The following ASB18 variants were observed in gnomAD, a reference collection of about 807,000 sequenced individuals.
ASB18 encodes the protein ankyrin repeat and SOCS box protein 18.
In ASB18, 33 loss-of-function variants were observed where a neutral mutation model predicts 33.4. The ratio of observed to expected loss-of-function variants is 0.99; its 90% confidence interval spans 0.75 to 1.32. The LOEUF (loss-of-function observed/expected upper bound fraction) is 1.32, where lower values mean the gene tolerates loss of function less well. Ranked by LOEUF, ASB18 falls within the 40% of genes most tolerant of loss-of-function variation. The pLI is 0.00. For missense variants in ASB18, 694 were observed against 655.5 expected (o/e 1.06, Z -0.64); for synonymous variants, 295 against 307.6 (o/e 0.96, Z 0.43).
chr2:236,208,205 T>A lies in ASB18; in HGVS notation c.1101+6157A>T, dbSNP rs1576396055. On this transcript the variant is annotated intron_variant, in intron 4 of 5. Transcript: ENST00000409749. The surrounding 1 kb of genome is among the most constrained non-coding windows in gnomAD (Gnocchi z 7.7). ...CGGAGAAACCAAGCCACAGAGGGAGTGCCTGGCAGGAGGCCTGGGGCCAGC... is the reference window on the plus strand; with the variant it reads ...CGGAGAAACCAAGCCACAGAGGGAGAGCCTGGCAGGAGGCCTGGGGCCAGC... 6.6e-6 allele frequency among the ~76,000 whole-genome samples: 1 copy of A among 151,530 alleles called. No individual in the cohort carries two copies. The highest frequency in any genetic ancestry group is 1.5e-5 in the Non-Finnish European group (1 of 67,892).
At chr2:236,230,719 A>G (rs1327592374) in intron 3 of ASB18, among the ~76,000 whole-genome samples, 3 of 151,676 alleles carry the variant, frequency 2.0e-5, no homozygotes, top group Admixed American at 1.3e-4. Context: ...TTAACACAAC[A>G]AAAAGTTATA....
In ASB18 at chr2:236,256,059, G is replaced by T. The variant is rs2060690528; in HGVS notation, c.205+8082C>A. ...GTATTCATTTGTTTTTTGGAGACCG[G>T]CTCTCACTGTTGCCAGGTTGGAGTG... On this transcript the variant is annotated intron_variant, in intron 1 of 5. Transcript: ENST00000409749. This position sits in a 1 kb window ranked among gnomAD's most constrained non-coding sequence, Gnocchi z 4.7. Among the ~76,000 whole-genome samples the T allele has an allele frequency of 1.3e-5, 2 of 151,840 alleles. No homozygotes were observed. The highest frequency in any genetic ancestry group is 3.9e-4 in the East Asian group (2 of 5,186).
intron 1 of ASB18, among the ~76,000 whole-genome samples, chr2:236,261,597 A>G (rs1027918639): frequency 1.3e-5 from 2 of 152,240 alleles, no homozygotes; most frequent in Non-Finnish European, 2.9e-5. Flanking sequence ...GAACAGACCC[A>G]AGCACTTTAA....
intron 4 of ASB18, among the ~76,000 whole-genome samples, chr2:236,197,505 T>C (rs2106261726): frequency 6.6e-6 from 1 of 152,348 alleles, no homozygotes; most frequent in Admixed American, 6.5e-5. Context: ...GCTCTTCCTC[T>C]GTTTTCTGTA....
At position 236,203,217 on chromosome 2, in the gene ASB18, T is replaced by C. The variant is rs2060414181; in HGVS notation, c.1102-6832A>G. On this transcript the variant is annotated intron_variant, in intron 4 of 5. Transcript: ENST00000409749. The surrounding 1 kb of genome is among the most constrained non-coding windows in gnomAD (Gnocchi z 6.0). ...ACAGTCCCAAATATAACAACAACAATACAGTGCTGTGGTCATATGAGGGGG... is the reference window on the plus strand; with the variant it reads ...ACAGTCCCAAATATAACAACAACAACACAGTGCTGTGGTCATATGAGGGGG... Among the ~76,000 whole-genome samples, 1 of 152,026 alleles carries C rather than the reference T, an allele frequency of 6.6e-6. No homozygotes were observed.
chr2:236,264,258 C>T lies in ASB18; in HGVS notation c.88G>A (p.Glu30Lys). Residue 30 changes from glutamate (E) to lysine (K), a missense_variant, in exon 1 of 6, where the codon GAG becomes AAG. Glu to Lys is a moderately conservative substitution (Grantham distance 56). Coordinates refer to ENST00000409749, the MANE Select transcript of ASB18 (RefSeq NM_212556.4). This position sits in a 1 kb window ranked among gnomAD's most constrained non-coding sequence, Gnocchi z 5.1. ...LKSALDAKDEERVRDLICTEI... is the reference protein window; with the variant it reads ...LKSALDAKDEKRVRDLICTEI... ...GTGCAGATTAAATCCCTCACTCTCT[C>T]CTCATCTTTGGCATCCAGGGCAGAC... 3 of 1,614,002 alleles carry T rather than the reference C, an allele frequency of 1.9e-6. No individual in the cohort carries two copies. The highest frequency in any genetic ancestry group is 2.5e-6 in the Non-Finnish European group (3 of 1,179,882).
In ASB18 at chr2:236,204,657, C is replaced by T. The variant is rs1179779808; in HGVS notation, c.1102-8272G>A. ...ACTCAACATACCAAAAACTGAACTC[C>T]CTTGTTCACCAGGTCCCAACCTGCT... On this transcript the variant is annotated intron_variant, in intron 4 of 5. Transcript: ENST00000409749. The surrounding 1 kb of genome is among the most constrained non-coding windows in gnomAD (Gnocchi z 5.1). Among the ~76,000 whole-genome samples the T allele has an allele frequency of 2.6e-5, 4 of 152,216 alleles. No individual in the cohort carries two copies. The highest frequency in any genetic ancestry group is 9.7e-5 in the African/African-American group (4 of 41,442).
In ASB18 at chr2:236,244,627, GC is replaced by G. The variant is rs1488226996; in HGVS notation, c.206-3226del. 1.3e-5 allele frequency among the ~76,000 whole-genome samples: 2 copies of G among 151,644 alleles called. No homozygotes were observed. The highest frequency in any genetic ancestry group is 1.5e-5 in the Non-Finnish European group (1 of 67,954). The stretch of plus-strand genomic sequence containing the variant: ...TGACTCCCCCTACCCCTCGTCAAGT[GC>G]CCCCCGACCTCTGAGTGCCCAACCA... On this transcript the variant is annotated intron_variant, in intron 1 of 5. Transcript: ENST00000409749. This position sits in a 1 kb window ranked among gnomAD's most constrained non-coding sequence, Gnocchi z 6.1.
rs1472943423 is a variant in ASB18 at position 236,241,275 on chromosome 2, G to A, written c.328+5C>T. 1.9e-6 allele frequency: 3 copies of A among 1,613,514 alleles called. No homozygotes were observed. Among genetic ancestry groups the A allele is most frequent in the Non-Finnish European group, 2.5e-6 (3 of 1,179,668 alleles). On this transcript the variant is annotated splice_donor_5th_base_variant and intron_variant, in intron 2 of 5. Coordinates refer to ENST00000409749, the MANE Select transcript of ASB18 (RefSeq NM_212556.4). The surrounding 1 kb of genome is among the most constrained non-coding windows in gnomAD (Gnocchi z 4.2). ...AAATGACTGAGCTTTAAAGAACAAGGGTACCTGATAGTCCAAACGTGGCTG... is the reference window on the plus strand; with the variant it reads ...AAATGACTGAGCTTTAAAGAACAAGAGTACCTGATAGTCCAAACGTGGCTG...
chr2:236,202,814 T>TATATATATACACACACAC lies in ASB18; in HGVS notation c.1102-6430_1102-6429insGTGTGTGTGTATATATAT, dbSNP rs1472095135. On this transcript the variant is annotated intron_variant, in intron 4 of 5. Transcript: ENST00000409749. ...AAAAAAATATATATATATATATATA[T>TATATATATACACACACAC]ACACACACCTATAGTTCTCTAAAAA... Among the ~76,000 whole-genome samples the TATATATATACACACACAC allele has an allele frequency of 1.8e-4, 23 of 126,598 alleles. No individual in the cohort carries two copies. The South Asian group carries it at 2.2e-3, about 12-fold the overall frequency. 83.1% of individuals were successfully genotyped at this position (126,598 alleles called of 152,430 possible). A position where few individuals can be genotyped will look rare whatever the true frequency, so the allele number is the denominator to read the frequency against.
At position 236,226,806 on chromosome 2, in the gene ASB18, T is replaced by A. The variant is rs2060542210; in HGVS notation, c.596+10883A>T. Among the ~76,000 whole-genome samples, 1 of 152,270 alleles carries A rather than the reference T, an allele frequency of 6.6e-6. No individual in the cohort carries two copies. The highest frequency in any genetic ancestry group is 2.4e-5 in the African/African-American group (1 of 41,476). On this transcript the variant is annotated intron_variant, in intron 3 of 5. Transcript: ENST00000409749. This position sits in a 1 kb window ranked among gnomAD's most constrained non-coding sequence, Gnocchi z 4.8. ...GTGGGAGAGGAGTTGGGGCCCAAGGTATGAAGCAGACTTGATTTTTAAAAA... is the reference window on the plus strand; with the variant it reads ...GTGGGAGAGGAGTTGGGGCCCAAGGAATGAAGCAGACTTGATTTTTAAAAA...
rs1463474102 is a variant in ASB18, at chr2:236,244,603, G to A, written c.206-3201C>T. The stretch of plus-strand genomic sequence containing the variant: ...TCTCTGCACACAAAGGCTGCCTTGT[G>A]ACTCCCCCTACCCCTCGTCAAGTGC... On this transcript the variant is annotated intron_variant, in intron 1 of 5. Coordinates refer to ENST00000409749, the MANE Select transcript of ASB18 (RefSeq NM_212556.4). The surrounding 1 kb of genome is among the most constrained non-coding windows in gnomAD (Gnocchi z 6.1). Among the ~76,000 whole-genome samples, 1 of 152,090 alleles carries A rather than the reference G, an allele frequency of 6.6e-6. No individual in the cohort carries two copies. The highest frequency in any genetic ancestry group is 2.1e-4 in the South Asian group (1 of 4,818).
At chr2:236,230,768 A>G (rs1438049056) in intron 3 of ASB18, among the ~76,000 whole-genome samples, 1 of 151,864 alleles carries the variant, frequency 6.6e-6, no homozygotes, top group Non-Finnish European at 1.5e-5. Flanking sequence ...GAAATCATTA[A>G]AAATGTTCAG....
rs1021401345 is a variant in ASB18 at position 236,259,722 on chromosome 2, T to C, written c.205+4419A>G. ...GATGTTGGGCATCTCAGGTCCATCC[T>C]TGCAGGAGAGCAGGTGCCTTCACAA... is the stretch of plus-strand genomic sequence containing the variant. On this transcript the variant is annotated intron_variant, in intron 1 of 5. Coordinates refer to ENST00000409749, the MANE Select transcript of ASB18 (RefSeq NM_212556.4). This position sits in a 1 kb window ranked among gnomAD's most constrained non-coding sequence, Gnocchi z 4.4. The C allele has an allele frequency of 2.3e-5, 9 of 387,186 alleles. No individual in the cohort carries two copies. Among genetic ancestry groups the C allele is most frequent in the Admixed American group, 1.7e-4 (6 of 35,370 alleles). The allele number at this position is 387,186 out of a possible 1,614,324, so 24.0% of individuals were successfully genotyped here.
Position 236,235,581 on chromosome 2 carries a change from T to C in ASB18, c.596+2108A>G, listed in dbSNP as rs764112144. 6.6e-6 allele frequency among the ~76,000 whole-genome samples: 1 copy of C among 152,236 alleles called. No homozygotes were observed. Among genetic ancestry groups the C allele is most frequent in the Non-Finnish European group, 1.5e-5 (1 of 68,046 alleles). On this transcript the variant is annotated intron_variant, in intron 3 of 5. Transcript: ENST00000409749. The surrounding 1 kb of genome is among the most constrained non-coding windows in gnomAD (Gnocchi z 6.2). ...AGACATGTGTACACACCTATTAGAA[T>C]GTATACAATTAAGCCCTGACCATAC...
chr2:236,264,085 C>T lies in ASB18; in HGVS notation c.205+56G>A. The T allele has an allele frequency of 6.6e-7, 1 of 1,511,442 alleles. No homozygotes were observed. Among genetic ancestry groups the T allele is most frequent in the Non-Finnish European group, 9.1e-7 (1 of 1,096,722 alleles). The allele number at this position is 1,511,442 out of a possible 1,614,324, so 93.6% of individuals were successfully genotyped here. A position where few individuals can be genotyped will look rare whatever the true frequency, so the allele number is the denominator to read the frequency against. On this transcript the variant is annotated intron_variant, in intron 1 of 5. Coordinates refer to ENST00000409749, the MANE Select transcript of ASB18 (RefSeq NM_212556.4). The surrounding 1 kb of genome is among the most constrained non-coding windows in gnomAD (Gnocchi z 5.1). ...CCCTCTACCTCCAGGATCTGCCCAC[C>T]CCATCAGTGTAACTTAGTAATTAAA...
intron 2 of ASB18, among the ~76,000 whole-genome samples, chr2:236,240,646 G>A (rs1358884991): frequency 6.6e-6 from 1 of 152,188 alleles, no homozygotes; most frequent in African/African-American, 2.4e-5. Flanking sequence ...GGCAGGGGGA[G>A]GAGGGGACCT....
intron 1 of ASB18, among the ~76,000 whole-genome samples, chr2:236,246,382 C>G (rs1172381009): frequency 8.0e-6 from 1 of 125,206 alleles, no homozygotes; most frequent in Non-Finnish European, 1.7e-5. Flanking sequence ...AAAAAAAGAC[C>G]TTGGCTACTG....
chr2:236,195,679 G>A lies in ASB18; in HGVS notation c.1215+593C>T, dbSNP rs2060368512. Among the ~76,000 whole-genome samples, 1 of 152,052 alleles carries A rather than the reference G, an allele frequency of 6.6e-6. No individual in the cohort carries two copies. The highest frequency in any genetic ancestry group is 6.6e-5 in the Admixed American group (1 of 15,258). On this transcript the variant is annotated intron_variant, in intron 5 of 5. Transcript: ENST00000409749. The surrounding 1 kb of genome is among the most constrained non-coding windows in gnomAD (Gnocchi z 5.5). ...TACAGGCGCTTGCCACCATGCTTGGGTAATTTCTGTATTTTCAGTAAAGAC... is the reference window on the plus strand; with the variant it reads ...TACAGGCGCTTGCCACCATGCTTGGATAATTTCTGTATTTTCAGTAAAGAC...
Sources: gnomAD v4.1 joint callset for allele counts (sites outside exome capture counted in the v4.1 genomes callset) on GRCh38, gnomAD v4.1.1 for gene constraint, Gnocchi (gnomAD v3.1) non-coding constraint, MANE v1.5 for transcripts, NCBI Gene and HGNC (gene_info 2026-07-23, HGNC 2026-07-21) for gene names.